The following WDR88 variants were observed in gnomAD, a reference collection of about 807,000 sequenced individuals.
The protein encoded by WDR88 is WD repeat-containing protein 88.
A neutral mutation model predicts 46.8 loss-of-function variants in WDR88; 40 were observed. The ratio of observed to expected loss-of-function variants is 0.86; its 90% confidence interval spans 0.66 to 1.11. The LOEUF (loss-of-function observed/expected upper bound fraction) is 1.11, where lower values mean the gene tolerates loss of function less well. Ranked by LOEUF, WDR88 falls within the 50% of genes most tolerant of loss-of-function variation. WDR88 has a pLI of 0.00. For missense variants in WDR88, 562 were observed against 602.4 expected, an observed-to-expected ratio of 0.93 and a Z score of 0.70; for synonymous variants, 235 against 240.7, an observed-to-expected ratio of 0.98 and a Z score of 0.22.
intron 8 of WDR88, 64 bp downstream of exon 8, chr19:33,160,560 T>G: frequency 6.5e-7 from 1 of 1,547,712 alleles, no homozygotes; most frequent in Non-Finnish European, 8.9e-7. Context: ...CTGTGCTCAA[T>G]GCTGGTTGCT....
Position 33,132,238 on chromosome 19 carries a change from CCCCGCCAGCGAGTATTGT to C in WDR88, c.74_91del (p.Ala25_Pro30del), listed in dbSNP as rs1264595938. ...AATGCAAGTTGCCGCCACCCTCCGC[CCCCGCCAGCGAGTATTGT>C]CCCGGCAAGCTGTCCTGGGGGACCA... On this transcript the variant is annotated inframe_deletion, in exon 1 of 11. Coordinates refer to ENST00000355868, the MANE Select transcript of WDR88 (RefSeq NM_173479.4). 1 of 1,611,586 alleles carries C rather than the reference CCCCGCCAGCGAGTATTGT, an allele frequency of 6.2e-7. No individual in the cohort carries two copies. The highest frequency in any genetic ancestry group is 8.5e-7 in the Non-Finnish European group (1 of 1,179,882).
At chr19:33,153,969 G>C (rs1973685643) in intron 6 of WDR88, among the ~76,000 whole-genome samples, 2 of 152,042 alleles carry the variant, frequency 1.3e-5, no homozygotes, top group Admixed American at 1.3e-4. Flanking sequence ...TCAGATTCTT[G>C]AATCTGTAGG....
At chr19:33,146,228 G>A (rs1199807077) in intron 3 of WDR88, among the ~76,000 whole-genome samples, 1 of 152,192 alleles carries the variant, frequency 6.6e-6, no homozygotes, top group Non-Finnish European at 1.5e-5. Context: ...CTCGGGAGGT[G>A]GAGGTTGTGG....
chr19:33,151,998 G>A (rs550394020), intron 6 of WDR88, among the ~76,000 whole-genome samples: 4 of 152,184 alleles, frequency 2.6e-5, no homozygotes, highest in Admixed American at 2.0e-4. Context: ...TTGGGAGGCC[G>A]AGTGGGGCGG....
intron 8 of WDR88, among the ~76,000 whole-genome samples, chr19:33,162,222 C>T (rs924185608): frequency 7.3e-5 from 11 of 151,490 alleles, no homozygotes; most frequent in African/African-American, 2.4e-4. Context: ...TTTTTTGAGA[C>T]GGGAGTCTCG....
At chr19:33,156,312 G>A in intron 6 of WDR88, 43 bp from the exon 7 acceptor site, 2 of 1,591,416 alleles carry the variant, frequency 1.3e-6, no homozygotes, top group Non-Finnish European at 1.7e-6. Context: ...AGGTCCTCCA[G>A]GAGCAAAGCG....
At chr19:33,169,216 C>A (rs980203417) in intron 9 of WDR88, among the ~76,000 whole-genome samples, 2 of 151,998 alleles carry the variant, frequency 1.3e-5, no homozygotes, top group African/African-American at 4.8e-5. Flanking sequence ...AAAGTATAGG[C>A]AATGAGAGCA....
Position 33,137,696 on chromosome 19 carries a change from G to A in WDR88, c.296G>A (p.Ser99Asn), listed in dbSNP as rs775965034. ...TTTCAGATCCCATTTAAAATTCTGA[G>A]TGGGCACGAGCACGCTGTGAGCACC... ...PLSKIPFKIL[S>N]GHEHAVSTCH... is the part of the protein sequence containing the mutation. Residue 99 changes from serine (S) to asparagine (N), a missense_variant, in exon 2 of 11, where the codon AGT (serine) becomes AAT (asparagine). Coordinates refer to ENST00000355868, the MANE Select transcript of WDR88 (RefSeq NM_173479.4). 2 of 1,613,898 alleles carry A rather than the reference G, an allele frequency of 1.2e-6. No individual in the cohort carries two copies. Among genetic ancestry groups the A allele is most frequent in the South Asian group, 1.1e-5 (1 of 91,046 alleles).
intron 9 of WDR88, among the ~76,000 whole-genome samples, chr19:33,167,092 C>A (rs1203314030): frequency 6.6e-6 from 1 of 151,896 alleles, no homozygotes; most frequent in Non-Finnish European, 1.5e-5. Context: ...GATACCAAAG[C>A]CAAGAACAAA....
intron 9 of WDR88, among the ~76,000 whole-genome samples, chr19:33,169,666 CAAAAA>C (rs33941385): frequency 3.7e-5 from 3 of 81,746 alleles, no homozygotes; most frequent in African/African-American, 4.3e-5. Flanking sequence ...GACCCAGTCT[CAAAAA>C]AAAAAAAAAA....
intron 7 of WDR88, among the ~76,000 whole-genome samples, chr19:33,159,108 A>G (rs546868803): frequency 1.3e-5 from 2 of 150,358 alleles, no homozygotes; most frequent in East Asian, 3.9e-4. Context: ...AGGCGGGAGT[A>G]TTGCTTGAAC....
chr19:33,156,819 AAG>A (rs1195833662), intron 7 of WDR88, among the ~76,000 whole-genome samples: 1 of 152,204 alleles, frequency 6.6e-6, no homozygotes, highest in African/African-American at 2.4e-5. Context: ...TGGATGGGAC[AAG>A]AGAGTCAATG....
chr19:33,175,129 G>A (rs1263445911), intron 10 of WDR88, among the ~76,000 whole-genome samples: 1 of 152,150 alleles, frequency 6.6e-6, no homozygotes, highest in Non-Finnish European at 1.5e-5. Context: ...CAGCTACTCG[G>A]GTGGCTGAGG....
In WDR88 at chr19:33,148,836, T is replaced by TCTCAGG; in HGVS notation, c.608_613dup (p.Ser203_Gly204dup). 6.2e-7 allele frequency: 1 copy of TCTCAGG among 1,614,148 alleles called. No individual in the cohort carries two copies. Among genetic ancestry groups the TCTCAGG allele is most frequent in the Non-Finnish European group, 8.5e-7 (1 of 1,180,032 alleles). On this transcript the variant is annotated inframe_insertion, in exon 5 of 11. Transcript: ENST00000355868. ...TTTTCTCCTGATGGTAAATACGTGG[T>TCTCAGG]CTCAGGCTTCGACGTGGATCATGGA... is the stretch of plus-strand genomic sequence containing the variant.
intron 2 of WDR88, among the ~76,000 whole-genome samples, chr19:33,138,689 T>C (rs535035174): frequency 6.9e-6 from 1 of 144,058 alleles, no homozygotes; most frequent in African/African-American, 2.5e-5. Flanking sequence ...TTTCTTTTCT[T>C]TTTTTTTTTT....
chr19:33,149,055 G>A, intron 5 of WDR88, 145 bp downstream of exon 5: 5 of 1,339,644 alleles, frequency 3.7e-6, no homozygotes, highest in Non-Finnish European at 5.0e-6. Flanking sequence ...TAGGCTAGGT[G>A]CGGTGGCTGG....
chr19:33,163,447 G>A (rs1437027108), intron 8 of WDR88, among the ~76,000 whole-genome samples: 2 of 152,136 alleles, frequency 1.3e-5, no homozygotes, highest in Non-Finnish European at 2.9e-5. Context: ...AGTGAGTGGA[G>A]ATTGCACCAT....
chr19:33,174,308 C>A, intron 10 of WDR88: 2 of 1,523,466 alleles, frequency 1.3e-6, no homozygotes, highest in African/African-American at 1.4e-5. Flanking sequence ...TAGGGTTTAC[C>A]CCCCTCTCCA....
intron 1 of WDR88, among the ~76,000 whole-genome samples, chr19:33,135,890 TC>T (rs1187124484): frequency 6.6e-6 from 1 of 151,822 alleles, no homozygotes; most frequent in Non-Finnish European, 1.5e-5. Context: ...TTTCTTTCTT[TC>T]TTTTCTTTTA....
Sources: gnomAD v4.1 joint callset for allele counts (sites outside exome capture counted in the v4.1 genomes callset) on GRCh38, gnomAD v4.1.1 for gene constraint, MANE v1.5 for transcripts, NCBI Gene and HGNC (gene_info 2026-07-23, HGNC 2026-07-21) for gene names.